The following L3MBTL4 variants were observed in gnomAD, a reference collection of about 807,000 sequenced individuals.
L3MBTL4 encodes the protein lethal(3)malignant brain tumor-like protein 4.
A neutral mutation model predicts 84.5 loss-of-function variants in L3MBTL4; 70 were observed. The observed-to-expected ratio is 0.83, with a 90% CI of 0.68 to 1.01. The LOEUF (loss-of-function observed/expected upper bound fraction) is 1.01. Among genes scored for constraint, L3MBTL4 ranks in the 50% least tolerant of loss-of-function variants. The pLI is 0.00. For synonymous variants in L3MBTL4, 274 were observed against 259.8 expected (o/e 1.05, Z -0.52); for missense variants, 715 against 754.8 (o/e 0.95, Z 0.62).
At chr18:6,195,848 T>C (rs1021602786) in intron 12 of L3MBTL4, among the ~76,000 whole-genome samples, 2 of 152,106 alleles carry the variant, frequency 1.3e-5, no homozygotes, top group African/African-American at 4.8e-5. Flanking sequence ...TCACAACTCT[T>C]TGCAAACCAC....
chr18:6,011,748 C>G (rs2054749795), intron 16 of L3MBTL4, among the ~76,000 whole-genome samples: 1 of 152,194 alleles, frequency 6.6e-6, no homozygotes, highest in Non-Finnish European at 1.5e-5. Context: ...AACACGGTGG[C>G]TTTTAGGCAT....
At chr18:6,131,947 C>G (rs2059891309) in intron 14 of L3MBTL4, among the ~76,000 whole-genome samples, 1 of 152,022 alleles carries the variant, frequency 6.6e-6, no homozygotes, top group South Asian at 2.1e-4. Flanking sequence ...TAAGTTGTAC[C>G]ACAGTTACAT....
In L3MBTL4 at chr18:6,326,988, G is replaced by A. The variant is rs146342943; in HGVS notation, c.-90-14932C>T. On this transcript the variant is annotated intron_variant, in intron 1 of 18. Coordinates refer to ENST00000317931, the MANE Select transcript of L3MBTL4 (RefSeq NM_001330559.2). The stretch of plus-strand genomic sequence containing the variant: ...GGAAAATAACTGTAAAAGAATACAG[G>A]CAACACTTAGAAAAAGGAAAAATAA... Among the ~76,000 whole-genome samples, 1,190 of 152,216 alleles carry A rather than the reference G, an allele frequency of 7.8e-3. 13 individuals are homozygous for A. Among genetic ancestry groups the A allele is most frequent in the South Asian group, 0.04 (193 of 4,824 alleles).
rs147725942 is a variant in L3MBTL4 at position 6,135,294 on chromosome 18, T to C, written c.1199+2900A>G. 5.3e-4 allele frequency among the ~76,000 whole-genome samples: 80 copies of C among 152,328 alleles called. No homozygotes were observed. In the East Asian group the frequency reaches 0.014, roughly 26 times the overall value. On this transcript the variant is annotated intron_variant, in intron 14 of 18. Coordinates refer to ENST00000317931, the MANE Select transcript of L3MBTL4 (RefSeq NM_001330559.2). ...TGGGAGAGGGTGCCGTAAAGGTCCCTGACATGGCCTGGAGACATTTTCCCC... is the reference window on the plus strand; with the variant it reads ...TGGGAGAGGGTGCCGTAAAGGTCCCCGACATGGCCTGGAGACATTTTCCCC...
intron 17 of L3MBTL4, among the ~76,000 whole-genome samples, chr18:5,965,279 T>C (rs2052290552): frequency 6.6e-6 from 1 of 152,176 alleles, no homozygotes; most frequent in Non-Finnish European, 1.5e-5. Context: ...TGTGGAGTGT[T>C]ACAAAGGCCC....
chr18:6,191,446 T>C (rs762892919), intron 12 of L3MBTL4, among the ~76,000 whole-genome samples: 1 of 152,040 alleles, frequency 6.6e-6, no homozygotes, highest in Non-Finnish European at 1.5e-5. Context: ...TGGCCATTGC[T>C]TGAGATGGAG....
intron 1 of L3MBTL4, among the ~76,000 whole-genome samples, chr18:6,406,157 C>T (rs1369181520): frequency 6.6e-6 from 1 of 152,206 alleles, no homozygotes; most frequent in African/African-American, 2.4e-5. Flanking sequence ...GACATGACAT[C>T]ATAGAAAACC....
chr18:5,994,456 G>C (rs920831205), intron 16 of L3MBTL4, among the ~76,000 whole-genome samples: 1 of 152,132 alleles, frequency 6.6e-6, no homozygotes, highest in Non-Finnish European at 1.5e-5. Flanking sequence ...GCCACTTCTT[G>C]TTCTAATTTT....
intron 1 of L3MBTL4, among the ~76,000 whole-genome samples, chr18:6,389,441 C>G (rs1395071214): frequency 1.3e-5 from 2 of 152,078 alleles, no homozygotes; most frequent in Admixed American, 6.6e-5. Context: ...AACAATACAT[C>G]ACATCTCAAT....
intron 18 of L3MBTL4, among the ~76,000 whole-genome samples, chr18:5,958,056 G>A (rs1227236020): frequency 6.1e-5 from 8 of 130,378 alleles, no homozygotes; most frequent in African/African-American, 1.5e-4. Context: ...GAAGGAGAAG[G>A]AGAAGGAGAA....
intron 16 of L3MBTL4, among the ~76,000 whole-genome samples, chr18:6,061,293 G>A (rs1271364403): frequency 6.6e-6 from 1 of 152,018 alleles, no homozygotes; most frequent in Non-Finnish European, 1.5e-5. Context: ...ATTTGTGTCT[G>A]CTGATATGTC....
At chr18:6,257,128 T>C (rs1599366276) in intron 5 of L3MBTL4, among the ~76,000 whole-genome samples, 1 of 152,164 alleles carries the variant, frequency 6.6e-6, no homozygotes, top group Non-Finnish European at 1.5e-5. Context: ...CCCTGAGAAG[T>C]AGGTGATATT....
chr18:6,011,258 T>A (rs1214461110), intron 16 of L3MBTL4, among the ~76,000 whole-genome samples: 1 of 152,174 alleles, frequency 6.6e-6, no homozygotes, highest in Non-Finnish European at 1.5e-5. Flanking sequence ...TAAAGTGACA[T>A]GTGACAAGTT....
chr18:6,267,727 A>G (rs1328989446), intron 4 of L3MBTL4, among the ~76,000 whole-genome samples: 2 of 152,236 alleles, frequency 1.3e-5, no homozygotes, highest in Non-Finnish European at 2.9e-5. Flanking sequence ...TCCTTTTATG[A>G]TCACATATGT....
chr18:6,225,738 T>TA (rs772917830), intron 10 of L3MBTL4, among the ~76,000 whole-genome samples: 14,936 of 117,356 alleles, frequency 0.13, 1,191 homozygotes, highest in East Asian at 0.27. Context: ...CCAGCCTATC[T>TA]AAAAAAAAAA....
At chr18:6,115,055 T>G (rs2059314430) in intron 14 of L3MBTL4, among the ~76,000 whole-genome samples, 1 of 150,110 alleles carries the variant, frequency 6.7e-6, no homozygotes, top group Non-Finnish European at 1.5e-5. Context: ...ATTGGGACAG[T>G]GACAGGCTCT....
intron 4 of L3MBTL4, among the ~76,000 whole-genome samples, chr18:6,277,395 T>C (rs1375078892): frequency 6.6e-6 from 1 of 152,232 alleles, no homozygotes; most frequent in East Asian, 1.9e-4. Flanking sequence ...ATAAAAAATC[T>C]ATGCTGTGTC....
chr18:6,212,769 G>A (rs77261846), intron 12 of L3MBTL4, among the ~76,000 whole-genome samples: 3,525 of 152,250 alleles, frequency 0.023, 149 homozygotes, highest in African/African-American at 0.079. Flanking sequence ...AAAAGTATTA[G>A]AATATCTCTC....
At chr18:6,101,447 T>G (rs1226421653) in intron 14 of L3MBTL4, among the ~76,000 whole-genome samples, 1 of 152,206 alleles carries the variant, frequency 6.6e-6, no homozygotes, top group Non-Finnish European at 1.5e-5. Flanking sequence ...ATGTTAAGGA[T>G]TTTATTGGAG....
Sources: allele counts gnomAD v4.1 joint callset (sites outside exome capture counted in the v4.1 genomes callset), GRCh38; gene constraint gnomAD v4.1.1; transcripts MANE v1.5; gene names NCBI Gene and HGNC (gene_info 2026-07-23, HGNC 2026-07-21).